Variants in SLC24A2 observed in about 807,000 individuals in gnomAD.
SLC24A2 encodes the protein sodium/potassium/calcium exchanger 2.
A neutral mutation model predicts 62.0 loss-of-function variants in SLC24A2; 36 were observed. The observed-to-expected ratio is 0.58, with a 90% confidence interval of 0.44 to 0.77. The LOEUF is 0.77. Among genes scored for constraint, SLC24A2 ranks in the 30% least tolerant of loss-of-function variants. The probability of loss-of-function intolerance (pLI) is 0.00; values close to 1 mark genes in which losing one functional copy is unlikely to be tolerated. For synonymous variants in SLC24A2, 358 were observed against 294.0 expected (o/e 1.22, Z -2.23); for missense variants, 846 against 817.9 (o/e 1.03, Z -0.42).
the SLC24A2 span, among the ~76,000 whole-genome samples, chr9:19,823,943 T>C: frequency 6.6e-6 from 1 of 152,078 alleles, no homozygotes; most frequent in African/African-American, 2.4e-5. Flanking sequence ...ATTTAATAAA[T>C]GGTGCTGGGA....
chr9:20,078,997 T>C, the SLC24A2 span, among the ~76,000 whole-genome samples: 1 of 146,092 alleles, frequency 6.8e-6, no homozygotes, highest in Non-Finnish European at 1.5e-5. Flanking sequence ...TGCTAACCCC[T>C]AGAACATGTG....
chr9:19,534,387 T>G (rs1446629780), intron 8 of SLC24A2, among the ~76,000 whole-genome samples: 1 of 151,994 alleles, frequency 6.6e-6, no homozygotes. Flanking sequence ...CTTTAAGTTC[T>G]TGGGTACATG....
At chr9:20,163,364 G>A in the SLC24A2 span, among the ~76,000 whole-genome samples, 1 of 152,084 alleles carries the variant, frequency 6.6e-6, no homozygotes, top group Non-Finnish European at 1.5e-5. Context: ...CAAATCATGA[G>A]TGAACTCCCA....
intron 7 of SLC24A2, among the ~76,000 whole-genome samples, chr9:19,565,336 G>C (rs574920250): frequency 1.8e-3 from 254 of 144,436 alleles, no homozygotes; most frequent in African/African-American, 6.4e-3. Flanking sequence ...CAAACAGAGA[G>C]CCAAATCATG....
chr9:19,733,477 G>A (rs557617328), intron 2 of SLC24A2, among the ~76,000 whole-genome samples: 5 of 152,262 alleles, frequency 3.3e-5, no homozygotes, highest in African/African-American at 1.2e-4. Flanking sequence ...AATCTGTGAA[G>A]GAAGCCTACA....
the SLC24A2 span, among the ~76,000 whole-genome samples, chr9:19,869,195 G>T: frequency 8.5e-5 from 13 of 152,088 alleles, no homozygotes; most frequent in African/African-American, 2.7e-4. Context: ...TACCTAGGCT[G>T]ATCTCAAACT....
At position 19,514,348 on chromosome 9, in the gene SLC24A2, T is replaced by C. The variant is rs954990175; in HGVS notation, c.*1805A>G. 1 of 152,188 alleles carries C rather than the reference T, an allele frequency of 6.6e-6. No homozygotes were observed. The highest frequency in any genetic ancestry group is 1.5e-5 in the Non-Finnish European group (1 of 68,034). The allele number at this position is 152,188 out of a possible 1,614,324, so 9.4% of individuals were successfully genotyped here. A position where few individuals can be genotyped will look rare whatever the true frequency, so the allele number is the denominator to read the frequency against. On this transcript the variant is annotated 3_prime_UTR_variant, in exon 11 of 11. Transcript: ENST00000341998. ...AGAATAGATTGGAGATAGGAACACA[T>C]ATGGTGAAATTTCCCATATGCCATA...
chr9:19,938,265 A>G, the SLC24A2 span, among the ~76,000 whole-genome samples: 55 of 152,160 alleles, frequency 3.6e-4, no homozygotes, highest in African/African-American at 1.2e-3. Flanking sequence ...TTCAAAAAAC[A>G]TGATATAGAA....
At chr9:19,612,660 A>G (rs1176467197) in intron 4 of SLC24A2, among the ~76,000 whole-genome samples, 2 of 152,154 alleles carry the variant, frequency 1.3e-5, no homozygotes, top group East Asian at 3.9e-4. Flanking sequence ...CCTCACTCTT[A>G]TTAAATGCTG....
At chr9:20,166,466 CT>C in the SLC24A2 span, among the ~76,000 whole-genome samples, 1 of 151,796 alleles carries the variant, frequency 6.6e-6, no homozygotes, top group African/African-American at 2.4e-5. Context: ...TATTATGCAA[CT>C]GTAAAACAGA....
the SLC24A2 span, among the ~76,000 whole-genome samples, chr9:20,072,229 C>T: frequency 2.0e-5 from 3 of 152,268 alleles, no homozygotes; most frequent in East Asian, 5.8e-4. Flanking sequence ...CCAGCAACGC[C>T]TATCTGTTTA....
At chr9:20,024,710 G>C in the SLC24A2 span, among the ~76,000 whole-genome samples, 1 of 152,158 alleles carries the variant, frequency 6.6e-6, no homozygotes, top group Non-Finnish European at 1.5e-5. Context: ...CTTTAAAGAA[G>C]ATCAGGTCAC....
At chr9:20,169,447 A>G in the SLC24A2 span, among the ~76,000 whole-genome samples, 1 of 151,998 alleles carries the variant, frequency 6.6e-6, no homozygotes, top group Non-Finnish European at 1.5e-5. Flanking sequence ...GACCCAGGAG[A>G]CACCTCAAAT....
At chr9:20,042,496 C>T in the SLC24A2 span, among the ~76,000 whole-genome samples, 2 of 152,160 alleles carry the variant, frequency 1.3e-5, no homozygotes, top group African/African-American at 4.8e-5. Flanking sequence ...AGTTATCTAA[C>T]CCTAGGGGAC....
intron 8 of SLC24A2, among the ~76,000 whole-genome samples, chr9:19,535,161 G>A (rs1369276723): frequency 6.6e-6 from 1 of 152,234 alleles, no homozygotes; most frequent in South Asian, 2.1e-4. Context: ...GTCGTCTTTT[G>A]AGAAGTGTGT....
chr9:19,822,877 C>A, the SLC24A2 span, among the ~76,000 whole-genome samples: 2 of 152,114 alleles, frequency 1.3e-5, no homozygotes, highest in African/African-American at 4.8e-5. Flanking sequence ...AAACCACGGG[C>A]CCCTTCTCCA....
intron 2 of SLC24A2, among the ~76,000 whole-genome samples, chr9:19,697,744 A>G (rs1820234011): frequency 6.6e-6 from 1 of 152,194 alleles, no homozygotes; most frequent in African/African-American, 2.4e-5. Context: ...AAGATCCTCA[A>G]AGAAGACACA....
chr9:19,913,363 C>G, the SLC24A2 span, among the ~76,000 whole-genome samples: 9 of 152,068 alleles, frequency 5.9e-5, no homozygotes, highest in Non-Finnish European at 2.9e-5. Flanking sequence ...TGACTTCATC[C>G]CTCAGGCCAT....
At chr9:20,026,839 C>T in the SLC24A2 span, among the ~76,000 whole-genome samples, 2 of 152,016 alleles carry the variant, frequency 1.3e-5, no homozygotes, top group Non-Finnish European at 2.9e-5. Flanking sequence ...ATTATGTCAA[C>T]CTAAAAAGCT....
Sources: gnomAD v4.1 joint callset for allele counts (sites outside exome capture counted in the v4.1 genomes callset) on GRCh38, gnomAD v4.1.1 for gene constraint, MANE v1.5 for transcripts, NCBI Gene and HGNC (gene_info 2026-07-23, HGNC 2026-07-21) for gene names.